Variants in BRIP1 observed in about 807,000 individuals in gnomAD.
BRIP1 encodes Fanconi anemia group J protein.
A neutral mutation model predicts 119.7 loss-of-function variants in BRIP1; 88 were observed. The ratio of observed to expected loss-of-function variants is 0.74; its 90% CI spans 0.62 to 0.88. The LOEUF is 0.88. Among genes scored for constraint, BRIP1 ranks in the 40% least tolerant of loss-of-function variants. BRIP1 has a pLI of 0.00. For synonymous variants in BRIP1, 443 were observed against 496.5 expected, an observed-to-expected ratio of 0.89 and a Z score of 1.43; for missense variants, 1,259 against 1,455.4, an observed-to-expected ratio of 0.87 and a Z score of 2.20.
At chr17:61,817,736 G>A (rs1192496179) in intron 6 of BRIP1, among the ~76,000 whole-genome samples, 10 of 152,180 alleles carry the variant, frequency 6.6e-5, no homozygotes, top group Admixed American at 6.5e-4. Flanking sequence ...TACATTTAAA[G>A]TATTATCAGA....
At position 61,793,999 on chromosome 17, in the gene BRIP1, AC is replaced by A. The variant is rs1343500001; in HGVS notation, c.1341-271del. 6.6e-6 allele frequency among the ~76,000 whole-genome samples: 1 copy of A among 152,200 alleles called. No homozygotes were observed. Among genetic ancestry groups the A allele is most frequent in the Non-Finnish European group, 1.5e-5 (1 of 68,014 alleles). ...TTGTTTTGTGGATTCACATTGCTTTACTTAGCTAATGTCTCTTCAACTGAGA... is the reference window on the plus strand; with the variant it reads ...TTGTTTTGTGGATTCACATTGCTTTATTAGCTAATGTCTCTTCAACTGAGA... On this transcript the variant is annotated intron_variant, in intron 9 of 19. Coordinates refer to ENST00000259008, the MANE Select transcript of BRIP1 (RefSeq NM_032043.3). This position sits in a 1 kb window ranked among gnomAD's most constrained non-coding sequence, Gnocchi z 5.2.
In BRIP1 at chr17:61,759,053, A is replaced by C. The variant is rs1168273771; in HGVS notation, c.2098-14462T>G. Among the ~76,000 whole-genome samples the C allele has an allele frequency of 6.9e-6, 1 of 144,246 alleles. No individual in the cohort carries two copies. The highest frequency in any genetic ancestry group is 1.5e-5 in the Non-Finnish European group (1 of 65,196). 94.6% of individuals were successfully genotyped at this position (144,246 alleles called of 152,430 possible). A position where few individuals can be genotyped will look rare whatever the true frequency, so the allele number is the denominator to read the frequency against. On this transcript the variant is annotated intron_variant, in intron 14 of 19. Transcript: ENST00000259008. The surrounding 1 kb of genome is among the most constrained non-coding windows in gnomAD (Gnocchi z 4.9). ...AAATAAATAAATAAATGGCAGTAAT[A>C]ACTCTTTACCTTTCAATACCTACCT...
intron 16 of BRIP1, among the ~76,000 whole-genome samples, chr17:61,728,630 A>G (rs2076802428): frequency 1.3e-5 from 2 of 152,206 alleles, no homozygotes; most frequent in Admixed American, 1.3e-4. Flanking sequence ...GTGTACCGCA[A>G]AGATGAAACA....
chr17:61,780,041 A>C lies in BRIP1; in HGVS notation c.1935+220T>G, dbSNP rs1471401600. ...AAAACTAAAACTTACTTAGAAGAAG[A>C]AGCTGAAATACAGCCTTTTGCATCC... On this transcript the variant is annotated intron_variant, in intron 13 of 19. Coordinates refer to ENST00000259008, the MANE Select transcript of BRIP1 (RefSeq NM_032043.3). This position sits in a 1 kb window ranked among gnomAD's most constrained non-coding sequence, Gnocchi z 5.4. 2.0e-5 allele frequency among the ~76,000 whole-genome samples: 3 copies of C among 152,224 alleles called. No homozygotes were observed. The highest frequency in any genetic ancestry group is 2.0e-4 in the Admixed American group (3 of 15,290).
rs2077872498 is a variant in BRIP1 at position 61,794,670 on chromosome 17, C to A, written c.1341-941G>T. ...CCTGTATAACAAACCTGCACATGTA[C>A]CCCTGAACTTAAAAGTTAAAAAAAA... On this transcript the variant is annotated intron_variant, in intron 9 of 19. Coordinates refer to ENST00000259008, the MANE Select transcript of BRIP1 (RefSeq NM_032043.3). The surrounding 1 kb of genome is among the most constrained non-coding windows in gnomAD (Gnocchi z 4.3). Among the ~76,000 whole-genome samples the A allele has an allele frequency of 6.7e-6, 1 of 150,298 alleles. No homozygotes were observed. The highest frequency in any genetic ancestry group is 2.5e-5 in the African/African-American group (1 of 40,760).
rs193170607 is a variant in BRIP1 at position 61,856,353 on chromosome 17, T to G, written c.379+705A>C. Among the ~76,000 whole-genome samples the G allele has an allele frequency of 2.6e-5, 4 of 152,246 alleles. No individual in the cohort carries two copies. The East Asian group carries it at 7.7e-4, about 29-fold the overall frequency. On this transcript the variant is annotated intron_variant, in intron 4 of 19. Transcript: ENST00000259008. This position sits in a 1 kb window ranked among gnomAD's most constrained non-coding sequence, Gnocchi z 5.1. ...TCCCTGCCAGTGACTGGTAAAGGAA[T>G]AGCATGAGTAAAAGCAGAAAAAAGC...
chr17:61,842,213 T>G lies in BRIP1; in HGVS notation c.627+4888A>C, dbSNP rs1038361074. Among the ~76,000 whole-genome samples, 8 of 152,058 alleles carry G rather than the reference T, an allele frequency of 5.3e-5. No homozygotes were observed. Among genetic ancestry groups the G allele is most frequent in the East Asian group, 3.9e-4 (2 of 5,184 alleles). ...GGTAAGTACTGTATGTTCTTACTCATATGTAGGAGCTAAAAAAAATGAGCT... is the reference window on the plus strand; with the variant it reads ...GGTAAGTACTGTATGTTCTTACTCAGATGTAGGAGCTAAAAAAAATGAGCT... On this transcript the variant is annotated intron_variant, in intron 6 of 19. Coordinates refer to ENST00000259008, the MANE Select transcript of BRIP1 (RefSeq NM_032043.3). This position sits in a 1 kb window ranked among gnomAD's most constrained non-coding sequence, Gnocchi z 5.1.
intron 10 of BRIP1, among the ~76,000 whole-genome samples, chr17:61,786,198 G>C (rs928543124): frequency 6.8e-6 from 1 of 147,618 alleles, no homozygotes; most frequent in Non-Finnish European, 1.5e-5. Context: ...ATGAGTGAGC[G>C]TGTGTGTGTG....
chr17:61,790,351 C>A (rs1376893720), intron 10 of BRIP1, among the ~76,000 whole-genome samples: 1 of 152,054 alleles, frequency 6.6e-6, no homozygotes, highest in African/African-American at 2.4e-5. Context: ...TCGAGGCCAG[C>A]CTGACCAACA....
At chr17:61,707,801 C>T (rs1334290691) in intron 17 of BRIP1, among the ~76,000 whole-genome samples, 1 of 151,714 alleles carries the variant, frequency 6.6e-6, no homozygotes, top group Non-Finnish European at 1.5e-5. Flanking sequence ...CAAAAATAGC[C>T]CATGTCTTGT....
At chr17:61,812,247 T>C (rs2078173807) in intron 6 of BRIP1, among the ~76,000 whole-genome samples, 1 of 152,176 alleles carries the variant, frequency 6.6e-6, no homozygotes, top group Non-Finnish European at 1.5e-5. Context: ...TTAAATAATT[T>C]TGTATCTCTT....
In BRIP1 at chr17:61,693,604, A is replaced by G; in HGVS notation, c.2493-92T>C. 2 of 1,018,336 alleles carry G rather than the reference A, an allele frequency of 2.0e-6. No individual in the cohort carries two copies. The highest frequency in any genetic ancestry group is 1.3e-5 in the South Asian group (1 of 75,974). The allele number at this position is 1,018,336 out of a possible 1,614,324, so 63.1% of individuals were successfully genotyped here. A position where few individuals can be genotyped will look rare whatever the true frequency, so the allele number is the denominator to read the frequency against. On this transcript the variant is annotated intron_variant, in intron 17 of 19. Transcript: ENST00000259008. This position sits in a 1 kb window ranked among gnomAD's most constrained non-coding sequence, Gnocchi z 4.2. ...CAGACAGAAAATTGGAAAAAAATCA[A>G]TTTTATAGATTCCTTTAAACAATTT...
chr17:61,786,214 G>A (rs768459755), intron 10 of BRIP1, among the ~76,000 whole-genome samples: 2 of 151,880 alleles, frequency 1.3e-5, no homozygotes, highest in Non-Finnish European at 2.9e-5. Context: ...GTGTGTGTGT[G>A]ACAGAGAGAG....
At chr17:61,747,391 T>C (rs141612583) in intron 14 of BRIP1, among the ~76,000 whole-genome samples, 2 of 151,590 alleles carry the variant, frequency 1.3e-5, no homozygotes, top group African/African-American at 4.8e-5. Flanking sequence ...ATCAACAGAA[T>C]TGACAAGTCT....
At position 61,780,235 on chromosome 17, in the gene BRIP1, T is replaced by C. The variant is rs2145072999; in HGVS notation, c.1935+26A>G. The C allele has an allele frequency of 1.9e-6, 3 of 1,601,634 alleles. No individual in the cohort carries two copies. On this transcript the variant is annotated intron_variant, in intron 13 of 19. Transcript: ENST00000259008. The surrounding 1 kb of genome is among the most constrained non-coding windows in gnomAD (Gnocchi z 5.4). ...TATTGAAGTAGAAACACTGAAGGCC[T>C]TCCAAAAAAAAAAACAACAACTAAC... is the stretch of plus-strand genomic sequence containing the variant.
At chr17:61,836,740 A>G (rs2078580127) in intron 6 of BRIP1, among the ~76,000 whole-genome samples, 1 of 152,242 alleles carries the variant, frequency 6.6e-6, no homozygotes, top group Non-Finnish European at 1.5e-5. Context: ...AAATTTGGGT[A>G]AGCATTGTAA....
rs1002281587 is a variant in BRIP1, at chr17:61,811,860, G to A, written c.628-3103C>T. Among the ~76,000 whole-genome samples the A allele has an allele frequency of 2.0e-5, 3 of 151,992 alleles. 1 individual carries two copies. Among genetic ancestry groups the A allele is most frequent in the Non-Finnish European group, 4.4e-5 (3 of 68,002 alleles). ...CCAGATACTCGGGAGGCTGAGGCAG[G>A]TGAATCACTTGAACCAGGGAGACGG... On this transcript the variant is annotated intron_variant, in intron 6 of 19. Transcript: ENST00000259008.
At chr17:61,849,945 T>C (rs1187771867) in intron 4 of BRIP1, among the ~76,000 whole-genome samples, 1 of 152,228 alleles carries the variant, frequency 6.6e-6, no homozygotes, top group Non-Finnish European at 1.5e-5. Context: ...TCTTCTTCCT[T>C]AATGTCTGTA....
intron 17 of BRIP1, among the ~76,000 whole-genome samples, chr17:61,697,502 G>T (rs2061547631): frequency 6.6e-6 from 1 of 151,806 alleles, no homozygotes; most frequent in Admixed American, 6.6e-5. Context: ...ATTTCTGTAA[G>T]GTAGTAACAT....
Sources: allele counts gnomAD v4.1 joint callset (sites outside exome capture counted in the v4.1 genomes callset), GRCh38; gene constraint gnomAD v4.1.1; non-coding constraint Gnocchi (gnomAD v3.1); transcripts MANE v1.5; gene names NCBI Gene and HGNC (gene_info 2026-07-23, HGNC 2026-07-21).